The following CNOT9 variants were observed in gnomAD, a reference collection of about 807,000 sequenced individuals.
CNOT9 encodes the protein RCD1 required for cell differentiation1 homolog.
In CNOT9, 8 loss-of-function variants were observed where a neutral mutation model predicts 37.4. That is an observed-to-expected ratio of 0.21 (90% CI 0.13 to 0.39). The LOEUF (loss-of-function observed/expected upper bound fraction) is 0.39, where lower values mean the gene tolerates loss of function less well. Among genes scored for constraint, CNOT9 ranks in the 10% least tolerant of loss-of-function variants. The pLI, the probability that CNOT9 is intolerant of heterozygous loss-of-function variation, is 1.00. For synonymous variants in CNOT9, 120 were observed against 137.6 expected (o/e 0.87, Z 0.90); for missense variants, 154 against 365.3 (o/e 0.42, Z 4.71).
In CNOT9 at chr2:218,580,568, C is replaced by T; in HGVS notation, c.32C>T (p.Pro11Leu). The change falls in exon 2 of 8, where the codon CCT becomes CTT. Residue 11 changes from proline to leucine, a missense_variant. This residue lies in a region of CNOT9 where 37 missense variants were observed against 39.9 expected (regional missense o/e 0.93). Transcript: ENST00000273064. The part of the protein sequence containing the change: MHSLATAAPV[P>L]TTLAQVDREK... ...TCTTGTCTTCATCTGAAGCCTGTGC[C>T]TACTACACTGGCACAAGTGGATAGA... 6.2e-7 allele frequency: 1 copy of T among 1,611,678 alleles called. No homozygotes were observed. The highest frequency in any genetic ancestry group is 8.5e-7 in the Non-Finnish European group (1 of 1,178,714).
In CNOT9 at chr2:218,569,295, G is replaced by A; in HGVS notation, c.24+317G>A. On this transcript the variant is annotated intron_variant, in intron 1 of 7. Coordinates refer to ENST00000273064, the MANE Select transcript of CNOT9 (RefSeq NM_005444.3). ...GTTTCAGGGCGCCAGTTGTGTTCTG[G>A]GCGCCGGCGTCGATGAGGGGAATTC... is the stretch of plus-strand genomic sequence containing the variant. 1.3e-5 allele frequency among the ~76,000 whole-genome samples: 2 copies of A among 152,158 alleles called. 1 individual carries two copies. The highest frequency in any genetic ancestry group is 1.3e-4 in the Admixed American group (2 of 15,278).
chr2:218,586,270 A>G (rs1445033897), intron 4 of CNOT9, among the ~76,000 whole-genome samples: 1 of 152,056 alleles, frequency 6.6e-6, no homozygotes, highest in Non-Finnish European at 1.5e-5. Flanking sequence ...CCCTCATGTC[A>G]TGGTATTTGG....
At position 218,592,184 on chromosome 2, in the gene CNOT9, A is replaced by G. The variant is rs1694802688; in HGVS notation, c.541-120A>G. 2.9e-6 allele frequency: 2 copies of G among 701,642 alleles called. No individual in the cohort carries two copies. Among genetic ancestry groups the G allele is most frequent in the Admixed American group, 2.3e-5 (1 of 43,892 alleles). 43.5% of individuals were successfully genotyped at this position (701,642 alleles called of 1,614,324 possible). ...CATATATGATAAAGTTGTACATAAT[A>G]TACAAGGATCCCTGCTTGCTCAATT... On this transcript the variant is annotated intron_variant, in intron 5 of 7. Transcript: ENST00000273064. The surrounding 1 kb of genome is among the most constrained non-coding windows in gnomAD (Gnocchi z 4.1).
chr2:218,588,211 AG>A (rs1320306800), intron 5 of CNOT9, among the ~76,000 whole-genome samples: 1 of 151,566 alleles, frequency 6.6e-6, no homozygotes, highest in African/African-American at 2.4e-5. Flanking sequence ...TTCCTTTTTT[AG>A]GTGAACTTAC....
chr2:218,583,919 G>A (rs1378838796), intron 3 of CNOT9, among the ~76,000 whole-genome samples: 1 of 152,188 alleles, frequency 6.6e-6, no homozygotes, highest in Non-Finnish European at 1.5e-5. Context: ...AGAATGGTTT[G>A]TGTATCTGAA....
chr2:218,593,248 C>G (rs922768997), intron 7 of CNOT9, among the ~76,000 whole-genome samples: 1 of 152,220 alleles, frequency 6.6e-6, no homozygotes, highest in Non-Finnish European at 1.5e-5. Flanking sequence ...GCAACCTGCT[C>G]ATATTCTGCT....
At chr2:218,587,454 C>A in intron 4 of CNOT9, 132 bp from the exon 5 acceptor site, 2 of 1,304,476 alleles carry the variant, frequency 1.5e-6, no homozygotes, top group Non-Finnish European at 2.0e-6. Flanking sequence ...GAGTGTGAAT[C>A]TGATTCCTTT....
chr2:218,588,091 C>T (rs12185588), intron 5 of CNOT9, among the ~76,000 whole-genome samples: 7 of 152,120 alleles, frequency 4.6e-5, no homozygotes, highest in Non-Finnish European at 5.9e-5. Flanking sequence ...AATTCTTACT[C>T]ATTGTACAGA....
chr2:218,596,230 T>C lies in CNOT9; in HGVS notation c.*1954T>C, dbSNP rs1694922915. On this transcript the variant is annotated 3_prime_UTR_variant, in exon 8 of 8. Coordinates refer to ENST00000273064, the MANE Select transcript of CNOT9 (RefSeq NM_005444.3). ...TTGGCCATGTTACTGTGCCAAAGTG[T>C]CTTAATTCTTGTCCCATCTATTCTC... is the stretch of plus-strand genomic sequence containing the variant. The C allele has an allele frequency of 6.6e-6, 1 of 152,184 alleles. No individual in the cohort carries two copies. The highest frequency in any genetic ancestry group is 1.5e-5 in the Non-Finnish European group (1 of 68,072). 9.4% of individuals were successfully genotyped at this position (152,184 alleles called of 1,614,324 possible).
At chr2:218,581,009 A>C in intron 2 of CNOT9, 1 of 556,796 alleles carries the variant, frequency 1.8e-6, no homozygotes, top group Non-Finnish European at 3.4e-6. Flanking sequence ...TTGTGATGCA[A>C]GTGATCTAAG....
chr2:218,583,150 G>A lies in CNOT9; in HGVS notation c.320+64G>A, dbSNP rs1292899321. ...TTGAATATGGTCCTAAACGTTCTCT[G>A]AATAATAAAAGGAAGGGCATGGAGG... On this transcript the variant is annotated intron_variant, in intron 3 of 7. Transcript: ENST00000273064. 4 of 1,011,100 alleles carry A rather than the reference G, an allele frequency of 4.0e-6. No individual in the cohort carries two copies. In the East Asian group the frequency reaches 1.1e-4, roughly 27 times the overall value. The allele number at this position is 1,011,100 out of a possible 1,614,324, so 62.6% of individuals were successfully genotyped here.
At chr2:218,581,170 C>CCT (rs1559246155) in intron 2 of CNOT9, 9 of 246,084 alleles carry the variant, frequency 3.7e-5, no homozygotes, top group South Asian at 7.1e-5. Context: ...GTTTGTTTTT[C>CCT]TTTTTTTTTT....
At chr2:218,581,957 C>G (rs1266112555) in intron 2 of CNOT9, among the ~76,000 whole-genome samples, 2 of 151,880 alleles carry the variant, frequency 1.3e-5, no homozygotes, top group African/African-American at 4.8e-5. Flanking sequence ...TGGTACACTC[C>G]TGTAATCCCA....
In CNOT9 at chr2:218,573,543, A is replaced by G. The variant is rs182469118; in HGVS notation, c.24+4565A>G. Reference sequence around the variant, plus strand: ...TAAACAGCTATTTTGGCCCTTAAACATAAAGTTACATTGATAATTTGGCTA... The same window carrying G: ...TAAACAGCTATTTTGGCCCTTAAACGTAAAGTTACATTGATAATTTGGCTA... On this transcript the variant is annotated intron_variant, in intron 1 of 7. Coordinates refer to ENST00000273064, the MANE Select transcript of CNOT9 (RefSeq NM_005444.3). 1.8e-3 allele frequency among the ~76,000 whole-genome samples: 276 copies of G among 152,326 alleles called. 2 individuals are homozygous for G. The highest frequency in any genetic ancestry group is 5.9e-3 in the African/African-American group (245 of 41,566).
intron 4 of CNOT9, among the ~76,000 whole-genome samples, chr2:218,585,085 T>G (rs1219872907): frequency 6.6e-6 from 1 of 151,650 alleles, no homozygotes; most frequent in Non-Finnish European, 1.5e-5. Flanking sequence ...TTCTCTTCTC[T>G]TCTTTTCTTT....
At chr2:218,587,565 G>T (rs1694635851) in intron 4 of CNOT9, 21 bp from the exon 5 acceptor site, 1 of 1,558,784 alleles carries the variant, frequency 6.4e-7, no homozygotes, top group Admixed American at 1.9e-5. Flanking sequence ...AAATAATTTT[G>T]TTTGTCCTTA....
At chr2:218,576,000 C>T (rs1694153673) in intron 1 of CNOT9, among the ~76,000 whole-genome samples, 1 of 152,116 alleles carries the variant, frequency 6.6e-6, no homozygotes, top group Non-Finnish European at 1.5e-5. Flanking sequence ...GTTGTCTGCC[C>T]ATGGTTTCAT....
In CNOT9 at chr2:218,583,229, GTGTGTCTCTCTCTCTCTC is replaced by G. The variant is rs1330580128; in HGVS notation, c.320+145_320+162del. The G allele has an allele frequency of 5.7e-3, 514 of 89,902 alleles. 1 individual carries two copies. The highest frequency in any genetic ancestry group is 7.7e-3 in the Non-Finnish European group (377 of 49,198). 5.6% of individuals were successfully genotyped at this position (89,902 alleles called of 1,614,324 possible). A position where few individuals can be genotyped will look rare whatever the true frequency, so the allele number is the denominator to read the frequency against. ...TGTGTGTGTGTGTGTGTGTGTGTGT[GTGTGTCTCTCTCTCTCTC>G]TCTCTCTCTCTCTCTCTCTCTCTCT... On this transcript the variant is annotated intron_variant, in intron 3 of 7. Transcript: ENST00000273064.
At position 218,583,069 on chromosome 2, in the gene CNOT9, A is replaced by T. The variant is rs1163521021; in HGVS notation, c.303A>T (p.Ala101=). ...CTCTGGCATTACTGCAATGTGTAGC[A>T]TCACATCCAGAAACCAGGTAAATGC... ...CNALALLQCV[A]SHPETRSAFL... The change falls in exon 3 of 8, where the codon GCA becomes GCT. Residue 101 remains alanine (A), a synonymous_variant. Coordinates refer to ENST00000273064, the MANE Select transcript of CNOT9 (RefSeq NM_005444.3). The T allele has an allele frequency of 1.2e-6, 2 of 1,612,530 alleles. No individual in the cohort carries two copies. Among genetic ancestry groups the T allele is most frequent in the Non-Finnish European group, 1.7e-6 (2 of 1,178,662 alleles).
Sources: gnomAD v4.1 joint callset for allele counts (sites outside exome capture counted in the v4.1 genomes callset) on GRCh38, gnomAD v4.1.1 for gene constraint, gnomAD v4.1.1 regional missense constraint, Gnocchi (gnomAD v3.1) non-coding constraint, MANE v1.5 for transcripts, NCBI Gene and HGNC (gene_info 2026-07-23, HGNC 2026-07-21) for gene names.